ANKRD44: variants seen among roughly 807,000 people sequenced by gnomAD.
The protein encoded by ANKRD44 is serine/threonine-protein phosphatase 6 regulatory ankyrin repeat subunit B.
In ANKRD44, 35 loss-of-function variants were observed where a neutral mutation model predicts 116.0. The ratio of observed to expected loss-of-function variants is 0.30; its 90% CI spans 0.23 to 0.40. The LOEUF is 0.40. Among genes scored for constraint, ANKRD44 ranks in the 10% least tolerant of loss-of-function variants. The pLI is 1.00. For missense variants in ANKRD44, 1,014 were observed against 1,242.6 expected (o/e 0.82, Z 2.77); for synonymous variants, 435 against 461.8 (o/e 0.94, Z 0.74).
At chr2:196,969,363 A>T (rs1488555031) in intron 21 of ANKRD44, among the ~76,000 whole-genome samples, 1 of 151,978 alleles carries the variant, frequency 6.6e-6, no homozygotes, top group Non-Finnish European at 1.5e-5. Context: ...CCATTTGTTC[A>T]TAGATTTGGC....
At chr2:197,006,277 C>A (rs1387110043) in intron 20 of ANKRD44, among the ~76,000 whole-genome samples, 1 of 151,936 alleles carries the variant, frequency 6.6e-6, no homozygotes, top group African/African-American at 2.4e-5. Context: ...CCCATCTCTA[C>A]TAAAAAAAAT....
intron 1 of ANKRD44, among the ~76,000 whole-genome samples, chr2:197,198,480 T>C (rs747020270): frequency 9.2e-5 from 14 of 151,996 alleles, no homozygotes; most frequent in Non-Finnish European, 1.6e-4. Context: ...ATTCTTCTGG[T>C]GGTAATATGT....
In ANKRD44 at chr2:196,987,851, T is replaced by A. The variant is rs1036736119; in HGVS notation, c.*1740A>T. On this transcript the variant is annotated 3_prime_UTR_variant, in exon 28 of 28. Transcript: ENST00000282272. The stretch of plus-strand genomic sequence containing the variant: ...TCAGTTAAAAACACATTTTTTTTTC[T>A]TAGAAAGCTATGGTGCAAACATAAT... The A allele has an allele frequency of 4.1e-6, 4 of 975,452 alleles. No individual in the cohort carries two copies. The highest frequency in any genetic ancestry group is 9.5e-5 in the South Asian group (2 of 21,084). 60.4% of individuals were successfully genotyped at this position (975,452 alleles called of 1,614,324 possible). A position where few individuals can be genotyped will look rare whatever the true frequency, so the allele number is the denominator to read the frequency against.
chr2:197,236,250 T>A (rs1020808423), intron 1 of ANKRD44, among the ~76,000 whole-genome samples: 1 of 152,054 alleles, frequency 6.6e-6, no homozygotes, highest in Non-Finnish European at 1.5e-5. Context: ...TAAGATACAG[T>A]CAAAAACTAT....
chr2:197,259,852 T>C (rs899512121), intron 1 of ANKRD44, among the ~76,000 whole-genome samples: 4 of 152,180 alleles, frequency 2.6e-5, no homozygotes, highest in Non-Finnish European at 4.4e-5. Context: ...CTATAACTCA[T>C]TGAAAAGAAT....
chr2:197,203,098 C>G lies in ANKRD44; in HGVS notation c.28-15992G>C, dbSNP rs1209748519. ...CTGAATCTGATTCTTCATCTCAATA[C>G]CTTCGAAATCCTACTCCTTTGACCC... On this transcript the variant is annotated intron_variant, in intron 1 of 27. Coordinates refer to ENST00000282272, the MANE Select transcript of ANKRD44 (RefSeq NM_001195144.2). The surrounding 1 kb of genome is among the most constrained non-coding windows in gnomAD (Gnocchi z 4.1). Among the ~76,000 whole-genome samples, 1 of 152,090 alleles carries G rather than the reference C, an allele frequency of 6.6e-6. No individual in the cohort carries two copies. The highest frequency in any genetic ancestry group is 1.5e-5 in the Non-Finnish European group (1 of 68,026).
Position 197,055,290 on chromosome 2 carries a change from A to G in ANKRD44, c.1650+23413T>C, listed in dbSNP as rs1404279535. ...TGCCCATTTTTCTATTGGGTTATCT[A>G]TTTTTTTCTTATTGGCTTTTAAGGT... On this transcript the variant is annotated intron_variant, in intron 16 of 27. Coordinates refer to ENST00000282272, the MANE Select transcript of ANKRD44 (RefSeq NM_001195144.2). Among the ~76,000 whole-genome samples the G allele has an allele frequency of 5.3e-5, 8 of 151,944 alleles. No homozygotes were observed. In the East Asian group the frequency reaches 1.5e-3, roughly 29 times the overall value.
chr2:196,973,867 A>G (rs752785413), intron 21 of ANKRD44, among the ~76,000 whole-genome samples: 65 of 152,344 alleles, frequency 4.3e-4, no homozygotes, highest in Admixed American at 1.0e-3. Context: ...GACGTTAAAC[A>G]TACATCTCTA....
chr2:197,195,932 A>G (rs909774859), intron 1 of ANKRD44, among the ~76,000 whole-genome samples: 1 of 152,236 alleles, frequency 6.6e-6, no homozygotes, highest in African/African-American at 2.4e-5. Flanking sequence ...CCTAAACTTT[A>G]GCTAAGATAA....
chr2:197,051,899 C>T (rs779049793), intron 16 of ANKRD44, among the ~76,000 whole-genome samples: 8 of 152,242 alleles, frequency 5.3e-5, no homozygotes, highest in Admixed American at 4.6e-4. Context: ...CCCCCCACAA[C>T]AAAGAATTAT....
intron 1 of ANKRD44, among the ~76,000 whole-genome samples, chr2:197,219,205 G>A (rs866591638): frequency 3.3e-5 from 5 of 151,612 alleles, no homozygotes; most frequent in Admixed American, 6.6e-5. Context: ...GAGTATCTGG[G>A]ACTACAGGCA....
chr2:196,987,835 AAC>A lies in ANKRD44; in HGVS notation c.*1754_*1755del. On this transcript the variant is annotated 3_prime_UTR_variant, in exon 28 of 28. Transcript: ENST00000282272. ...ACTAAGCAACTAAGACTCAGTTAAA[AAC>A]ACATTTTTTTTTCTTAGAAAGCTAT... 1 of 981,946 alleles carries A rather than the reference AAC, an allele frequency of 1.0e-6. No individual in the cohort carries two copies. The highest frequency in any genetic ancestry group is 1.2e-6 in the Non-Finnish European group (1 of 828,780). The allele number at this position is 981,946 out of a possible 1,614,324, so 60.8% of individuals were successfully genotyped here.
chr2:197,056,218 C>T (rs1574364776), intron 16 of ANKRD44, among the ~76,000 whole-genome samples: 1 of 151,844 alleles, frequency 6.6e-6, no homozygotes, highest in African/African-American at 2.4e-5. Flanking sequence ...TTCAAGATTG[C>T]CTCATATATT....
intron 16 of ANKRD44, among the ~76,000 whole-genome samples, chr2:197,071,442 CCTTTT>C (rs557424418): frequency 1.8e-3 from 270 of 152,238 alleles, no homozygotes; most frequent in Non-Finnish European, 2.8e-3. Flanking sequence ...TTGAGGCTTT[CCTTTT>C]AACTCATGAA....
At chr2:197,217,992 G>A (rs1375652371) in intron 1 of ANKRD44, among the ~76,000 whole-genome samples, 1 of 151,870 alleles carries the variant, frequency 6.6e-6, no homozygotes, top group African/African-American at 2.4e-5. Flanking sequence ...AGAATAAGAT[G>A]GGCAATAGTG....
At chr2:197,063,974 A>T (rs2125065598) in intron 16 of ANKRD44, among the ~76,000 whole-genome samples, 1 of 152,316 alleles carries the variant, frequency 6.6e-6, no homozygotes, top group South Asian at 2.1e-4. Context: ...CTCCTCGAGA[A>T]GAGCAACTCC....
chr2:197,180,158 G>A (rs564481265), intron 2 of ANKRD44, among the ~76,000 whole-genome samples: 4 of 151,126 alleles, frequency 2.6e-5, no homozygotes, highest in African/African-American at 4.9e-5. Flanking sequence ...CCTTGGCTTC[G>A]CAACCATGGC....
intron 16 of ANKRD44, among the ~76,000 whole-genome samples, chr2:197,059,443 T>C (rs1165164440): frequency 6.6e-6 from 1 of 152,182 alleles, no homozygotes; most frequent in Admixed American, 6.5e-5. Flanking sequence ...GTCAATAAAA[T>C]ATATAACTTT....
At chr2:197,050,214 T>C (rs985257210) in intron 16 of ANKRD44, among the ~76,000 whole-genome samples, 2 of 152,144 alleles carry the variant, frequency 1.3e-5, no homozygotes, top group East Asian at 3.9e-4. Context: ...ACTATCACAA[T>C]GACAACACCA....
Sources: allele counts gnomAD v4.1 joint callset (sites outside exome capture counted in the v4.1 genomes callset), GRCh38; gene constraint gnomAD v4.1.1; non-coding constraint Gnocchi (gnomAD v3.1); transcripts MANE v1.5; gene names NCBI Gene and HGNC (gene_info 2026-07-23, HGNC 2026-07-21).